The following SORT1 variants were observed in gnomAD, a reference collection of about 807,000 sequenced individuals.
SORT1 encodes the protein sortilin 1, also known as sortilin.
SORT1 carries 39 observed loss-of-function variants against 101.7 expected under a neutral mutation model. The observed-to-expected ratio is 0.38, with a 90% CI of 0.30 to 0.50. The LOEUF (loss-of-function observed/expected upper bound fraction) is 0.50. SORT1 is among the 20% of genes least tolerant of loss of function. SORT1 has a pLI of 0.90. For synonymous variants in SORT1, 396 were observed against 393.7 expected, an observed-to-expected ratio of 1.01 and a Z score of -0.07; for missense variants, 878 against 1,040.4, an observed-to-expected ratio of 0.84 and a Z score of 2.15.
intron 18 of SORT1, 38 bp downstream of exon 18, chr1:109,314,634 T>G: frequency 7.1e-7 from 1 of 1,414,676 alleles, no homozygotes; most frequent in Non-Finnish European, 1.0e-6. Context: ...CCTTCTGGCT[T>G]GAACTCAGTA....
chr1:109,353,284 A>C (rs1278842), intron 5 of SORT1, among the ~76,000 whole-genome samples: 145,958 of 148,680 alleles, frequency 0.98, 71,696 homozygotes, highest in Middle Eastern at 1. Context: ...GACCAGATTG[A>C]GCCATTGCAC....
At chr1:109,345,049 A>C (rs1649487905) in intron 8 of SORT1, among the ~76,000 whole-genome samples, 1 of 152,160 alleles carries the variant, frequency 6.6e-6, no homozygotes, top group Non-Finnish European at 1.5e-5. Flanking sequence ...AAGTTCTGAG[A>C]GCAGGAAATT....
Position 109,311,851 on chromosome 1 carries a change from T to C in SORT1, c.*2192A>G, listed in dbSNP as rs1658747268. The C allele has an allele frequency of 6.6e-6, 1 of 152,456 alleles. No individual in the cohort carries two copies. The allele number at this position is 152,456 out of a possible 1,614,324, so 9.4% of individuals were successfully genotyped here. A position where few individuals can be genotyped will look rare whatever the true frequency, so the allele number is the denominator to read the frequency against. ...TGGTTAGCACTCGCATGTGTAAAGA[T>C]TTCCAAGAGTTCTGAAGACAGCCAG... On this transcript the variant is annotated 3_prime_UTR_variant, in exon 20 of 20. Coordinates refer to ENST00000256637, the MANE Select transcript of SORT1 (RefSeq NM_002959.7).
intron 17 of SORT1, among the ~76,000 whole-genome samples, chr1:109,316,091 G>A (rs1647206802): frequency 6.6e-6 from 1 of 151,890 alleles, no homozygotes; most frequent in African/African-American, 2.4e-5. Flanking sequence ...ATCAAAACCA[G>A]CCCATTACCA....
intron 1 of SORT1, among the ~76,000 whole-genome samples, chr1:109,390,805 G>A (rs1003341067): frequency 1.3e-5 from 2 of 151,686 alleles, no homozygotes; most frequent in African/African-American, 2.4e-5. Context: ...GTGTGCGCGC[G>A]CGCGTTTTAG....
rs35552184 is a variant in SORT1 at position 109,325,231 on chromosome 1, C to CTT, written c.1644-144_1644-143dup. On this transcript the variant is annotated intron_variant, in intron 13 of 19. Transcript: ENST00000256637. Reference sequence around the variant, plus strand: ...GCTTATTGGCTGACAATTATTTTAACTTTTTTTTTTTTTTTTTTTTTTTCT... The same window carrying CTT: ...GCTTATTGGCTGACAATTATTTTAACTTTTTTTTTTTTTTTTTTTTTTTTTCT... The CTT allele has an allele frequency of 5.4e-3, 1,031 of 190,002 alleles. 4 individuals are homozygous for CTT. The highest frequency in any genetic ancestry group is 9.4e-3 in the African/African-American group (255 of 27,014). The allele number at this position is 190,002 out of a possible 1,614,324, so 11.8% of individuals were successfully genotyped here.
At chr1:109,357,827 A>G (rs540659507) in intron 3 of SORT1, among the ~76,000 whole-genome samples, 24 of 152,346 alleles carry the variant, frequency 1.6e-4, no homozygotes, top group Non-Finnish European at 2.1e-4. Flanking sequence ...GCCACCCAAC[A>G]GAGTCCTATA....
chr1:109,351,402 G>A (rs1204214860), intron 5 of SORT1, among the ~76,000 whole-genome samples: 4 of 152,210 alleles, frequency 2.6e-5, no homozygotes, highest in Non-Finnish European at 5.9e-5. Flanking sequence ...TTGCATCAGA[G>A]ATGGTGTCCT....
At chr1:109,355,273 TACTGTGAATC>T in intron 4 of SORT1, 84 bp downstream of exon 4, 1 of 736,956 alleles carries the variant, frequency 1.4e-6, no homozygotes, top group East Asian at 2.6e-5. Context: ...TAAAATACAT[TACTGTGAATC>T]ACTGGACCAT....
intron 7 of SORT1, among the ~76,000 whole-genome samples, chr1:109,346,314 T>TAAAAA (rs56298313): frequency 1.2e-5 from 1 of 86,802 alleles, no homozygotes. Flanking sequence ...CTCCGTCTCA[T>TAAAAA]AAAAAAAAAA....
intron 15 of SORT1, among the ~76,000 whole-genome samples, chr1:109,322,165 T>A (rs1254249922): frequency 6.6e-6 from 1 of 151,988 alleles, no homozygotes; most frequent in Non-Finnish European, 1.5e-5. Context: ...CTCAAACTCC[T>A]GAGTTTAAGC....
intron 11 of SORT1, among the ~76,000 whole-genome samples, chr1:109,330,095 G>A (rs192179083): frequency 1.5e-3 from 228 of 152,152 alleles, no homozygotes; most frequent in Non-Finnish European, 2.7e-3. Flanking sequence ...TCCGCCTCCC[G>A]GGTTCAAACA....
intron 3 of SORT1, among the ~76,000 whole-genome samples, chr1:109,360,903 G>C (rs1044092638): frequency 6.6e-6 from 1 of 152,184 alleles, no homozygotes; most frequent in Non-Finnish European, 1.5e-5. Flanking sequence ...ATACGCAACT[G>C]AATAGCTCTG....
rs761219863 is a variant in SORT1, at chr1:109,367,782, A to G, written c.367-301T>C. 5.9e-5 allele frequency among the ~76,000 whole-genome samples: 9 copies of G among 152,352 alleles called. No individual in the cohort carries two copies. In the Middle Eastern group the frequency reaches 0.017, roughly 290 times the overall value. ...AATTATTGTAAGATACTCTCAGGCAAGAACCCTCTTCCCTTTTCTCCTTAC... is the reference window on the plus strand; with the variant it reads ...AATTATTGTAAGATACTCTCAGGCAGGAACCCTCTTCCCTTTTCTCCTTAC... On this transcript the variant is annotated intron_variant, in intron 2 of 19. Coordinates refer to ENST00000256637, the MANE Select transcript of SORT1 (RefSeq NM_002959.7).
intron 10 of SORT1, 135 bp downstream of exon 10, chr1:109,340,589 A>AT: frequency 5.9e-6 from 5 of 845,794 alleles, no homozygotes; most frequent in Non-Finnish European, 9.1e-6. Flanking sequence ...AAAAAAAAAA[A>AT]GGAAACAAAA....
intron 1 of SORT1, among the ~76,000 whole-genome samples, chr1:109,394,817 A>G (rs1653102469): frequency 1.3e-5 from 2 of 152,202 alleles, no homozygotes; most frequent in African/African-American, 4.8e-5. Context: ...GAGAACCATG[A>G]ACTTTTGCTT....
chr1:109,350,536 T>C (rs1304142659), intron 6 of SORT1, among the ~76,000 whole-genome samples: 1 of 152,228 alleles, frequency 6.6e-6, no homozygotes, highest in Non-Finnish European at 1.5e-5. Flanking sequence ...TTCCTTGCCA[T>C]GTTCTACATG....
At chr1:109,323,667 T>C (rs182061604) in intron 14 of SORT1, among the ~76,000 whole-genome samples, 39 of 152,332 alleles carry the variant, frequency 2.6e-4, no homozygotes, top group Admixed American at 9.8e-4. Context: ...ATAAACCTAG[T>C]TTCTGGCTTA....
chr1:109,393,384 G>T, intron 1 of SORT1: 1 of 834,152 alleles, frequency 1.2e-6, no homozygotes, highest in Non-Finnish European at 1.4e-6. Flanking sequence ...ATTGTCAAAT[G>T]GTCTGTACAC....
Sources: gnomAD v4.1 joint callset for allele counts (sites outside exome capture counted in the v4.1 genomes callset) on GRCh38, gnomAD v4.1.1 for gene constraint, MANE v1.5 for transcripts, NCBI Gene and HGNC (gene_info 2026-07-23, HGNC 2026-07-21) for gene names.